CELSR3: variants seen among roughly 807,000 people sequenced by gnomAD.
CELSR3 encodes cadherin EGF LAG seven-pass G-type receptor 3, also known as EGF-like protein 1.
Under a neutral mutation model 270.0 loss-of-function variants are expected in CELSR3, and 73 were observed. The observed-to-expected ratio is 0.27, with a 90% CI of 0.22 to 0.33. The LOEUF (loss-of-function observed/expected upper bound fraction) is 0.33, where lower values mean the gene tolerates loss of function less well. Ranked by LOEUF, CELSR3 falls within the 10% of genes least tolerant of loss-of-function variation. The probability of loss-of-function intolerance (pLI) is 1.00; values close to 1 mark genes in which losing one functional copy is unlikely to be tolerated. For synonymous variants in CELSR3, 1,780 were observed against 1,905.4 expected, an observed-to-expected ratio of 0.93 and a Z score of 1.71; for missense variants, 3,614 against 4,533.8, an observed-to-expected ratio of 0.80 and a Z score of 5.83.
In CELSR3 at chr3:48,640,612, G is replaced by A. The variant is rs2047017206; in HGVS notation, c.9026-53C>T. 3 of 1,480,010 alleles carry A rather than the reference G, an allele frequency of 2.0e-6. No homozygotes were observed. Among genetic ancestry groups the A allele is most frequent in the Non-Finnish European group, 2.7e-6 (3 of 1,107,998 alleles). The allele number at this position is 1,480,010 out of a possible 1,614,324, so 91.7% of individuals were successfully genotyped here. On this transcript the variant is annotated intron_variant, in intron 33 of 34. Coordinates refer to ENST00000164024, the MANE Select transcript of CELSR3 (RefSeq NM_001407.3). This position sits in a 1 kb window ranked among gnomAD's most constrained non-coding sequence, Gnocchi z 7.5. Reference sequence around the variant, plus strand: ...GGTTTGTGTGGGAGGGGGAGGGCAGGCAGGAATTGCTGAGTCTAGGGGTGT... The same window carrying A: ...GGTTTGTGTGGGAGGGGGAGGGCAGACAGGAATTGCTGAGTCTAGGGGTGT...
At position 48,651,342 on chromosome 3, in the gene CELSR3, T is replaced by G. The variant is rs1423338126; in HGVS notation, c.6186+17A>C. Reference sequence around the variant, plus strand: ...TTGCGTCCAAGGAAGGGTTAAAAGGTCAGGGGCCAGGCGCACCTTGCAGTG... The same window carrying G: ...TTGCGTCCAAGGAAGGGTTAAAAGGGCAGGGGCCAGGCGCACCTTGCAGTG... On this transcript the variant is annotated intron_variant, in intron 14 of 34. Transcript: ENST00000164024. This position sits in a 1 kb window ranked among gnomAD's most constrained non-coding sequence, Gnocchi z 7.4. 7 of 1,613,618 alleles carry G rather than the reference T, an allele frequency of 4.3e-6. No individual in the cohort carries two copies. Among genetic ancestry groups the G allele is most frequent in the Non-Finnish European group, 4.2e-6 (5 of 1,179,794 alleles).
Position 48,654,139 on chromosome 3 carries a change from G to A in CELSR3, c.5153-136C>T. On this transcript the variant is annotated intron_variant, in intron 7 of 34. Transcript: ENST00000164024. The surrounding 1 kb of genome is among the most constrained non-coding windows in gnomAD (Gnocchi z 5.4). ...TTTCCCATTTTCTTTCGATGAGTGG[G>A]GTTGGTAAGAGTCAGGCCCTAAAAT... 1 of 1,494,612 alleles carries A rather than the reference G, an allele frequency of 6.7e-7. No individual in the cohort carries two copies. 92.6% of individuals were successfully genotyped at this position (1,494,612 alleles called of 1,614,324 possible).
chr3:48,662,559 AAGAG>A lies in CELSR3; in HGVS notation c.72_75del (p.Ser25CysfsTer21). ...AGCTCCTCCTGGCTGAGGGGGAACA[AAGAG>A]AGGAGAAGGAGCAGGAGTATGGGGG... On this transcript the variant is annotated frameshift_variant, in exon 1 of 35. Transcript: ENST00000164024. LOFTEE classifies it high-confidence loss of function. The surrounding 1 kb of genome is among the most constrained non-coding windows in gnomAD (Gnocchi z 7.1). 6.3e-7 allele frequency: 1 copy of A among 1,577,384 alleles called. No homozygotes were observed. The highest frequency in any genetic ancestry group is 8.6e-7 in the Non-Finnish European group (1 of 1,161,824).
chr3:48,647,981 C>T lies in CELSR3; in HGVS notation c.6989G>A (p.Arg2330His), dbSNP rs556627156. The T allele has an allele frequency of 8.7e-6, 14 of 1,611,978 alleles. No homozygotes were observed. In the South Asian group the frequency reaches 1.1e-4, roughly 13 times the overall value. Reference protein sequence around the residue: ...VTPNIMLSIDRMEHPSSPRGA... With the variant: ...VTPNIMLSIDHMEHPSSPRGA... Reference sequence around the variant, plus strand: ...CCGGGGAGAACTGGGGTGCTCCATGCGGTCAATGCTGAGCACTACCCAGGA... The same window carrying T: ...CCGGGGAGAACTGGGGTGCTCCATGTGGTCAATGCTGAGCACTACCCAGGA... Residue 2330 changes from arginine to histidine, a missense_variant, in exon 20 of 35, where the codon CGC becomes CAC. Arg to His is a conservative substitution (Grantham distance 29). Coordinates refer to ENST00000164024, the MANE Select transcript of CELSR3 (RefSeq NM_001407.3).
In CELSR3 at chr3:48,646,683, A is replaced by G; in HGVS notation, c.7295+80T>C. 1 of 1,397,686 alleles carries G rather than the reference A, an allele frequency of 7.2e-7. No homozygotes were observed. The highest frequency in any genetic ancestry group is 9.8e-7 in the Non-Finnish European group (1 of 1,020,430). The allele number at this position is 1,397,686 out of a possible 1,614,324, so 86.6% of individuals were successfully genotyped here. A position where few individuals can be genotyped will look rare whatever the true frequency, so the allele number is the denominator to read the frequency against. ...CTGTGCTCCTCTCTGTGTGTTGTGAACCTACGCATCTACCCACCAAAAAAG... is the reference window on the plus strand; with the variant it reads ...CTGTGCTCCTCTCTGTGTGTTGTGAGCCTACGCATCTACCCACCAAAAAAG... On this transcript the variant is annotated intron_variant, in intron 21 of 34. Transcript: ENST00000164024. This position sits in a 1 kb window ranked among gnomAD's most constrained non-coding sequence, Gnocchi z 4.8.
rs991575769 is a variant in CELSR3 at position 48,652,398 on chromosome 3, C to A, written c.5751+39G>T. ...GGAGCCCCTGACTTCTGACCCCTGA[C>A]CCTAATGCCCCATATCACATTCCCA... is the stretch of plus-strand genomic sequence containing the variant. On this transcript the variant is annotated intron_variant, in intron 11 of 34. Coordinates refer to ENST00000164024, the MANE Select transcript of CELSR3 (RefSeq NM_001407.3). This position sits in a 1 kb window ranked among gnomAD's most constrained non-coding sequence, Gnocchi z 4.3. 6.7e-7 allele frequency: 1 copy of A among 1,500,582 alleles called. No individual in the cohort carries two copies. Among genetic ancestry groups the A allele is most frequent in the African/African-American group, 1.4e-5 (1 of 72,740 alleles). 93.0% of individuals were successfully genotyped at this position (1,500,582 alleles called of 1,614,324 possible). A position where few individuals can be genotyped will look rare whatever the true frequency, so the allele number is the denominator to read the frequency against.
At position 48,652,657 on chromosome 3, in the gene CELSR3, C is replaced by G; in HGVS notation, c.5635-104G>C. On this transcript the variant is annotated intron_variant, in intron 10 of 34. Coordinates refer to ENST00000164024, the MANE Select transcript of CELSR3 (RefSeq NM_001407.3). The surrounding 1 kb of genome is among the most constrained non-coding windows in gnomAD (Gnocchi z 4.3). ...TTCTTCTAGCCCTTCTAGGCTGCCC[C>G]CTCCCTCCTGGACCCACAGTAGACC... 1.2e-6 allele frequency: 1 copy of G among 866,654 alleles called. No homozygotes were observed. The highest frequency in any genetic ancestry group is 1.8e-6 in the Non-Finnish European group (1 of 570,982). 53.7% of individuals were successfully genotyped at this position (866,654 alleles called of 1,614,324 possible).
At chr3:48,638,654 C>T (rs774017252) in intron 34 of CELSR3, among the ~76,000 whole-genome samples, 18 of 152,204 alleles carry the variant, frequency 1.2e-4, no homozygotes, top group African/African-American at 3.4e-4. Flanking sequence ...CAAACCTGTG[C>T]GACTCCAGAG....
Position 48,645,860 on chromosome 3 carries a change from T to G in CELSR3, c.7472A>C (p.Gln2491Pro), listed in dbSNP as rs1259504668. The change falls in exon 23 of 35, where the codon CAG becomes CCG. Residue 2491 changes from glutamine to proline, a missense_variant. Transcript: ENST00000164024. The surrounding 1 kb of genome is among the most constrained non-coding windows in gnomAD (Gnocchi z 5.4). ...VQWDPPGLAEQHGVWTARDCE... is the reference protein window; with the variant it reads ...VQWDPPGLAEPHGVWTARDCE... ...GTCCCGTGCTGTCCACACACCATGC[T>G]GCTCCGCCCTGCAGCCACAGGGCAG... 3 of 1,597,102 alleles carry G rather than the reference T, an allele frequency of 1.9e-6. No individual in the cohort carries two copies. Among genetic ancestry groups the G allele is most frequent in the East Asian group, 4.5e-5 (2 of 44,436 alleles).
chr3:48,658,431 T>C lies in CELSR3; in HGVS notation c.3748+456A>G, dbSNP rs1423255344. On this transcript the variant is annotated intron_variant, in intron 1 of 34. Coordinates refer to ENST00000164024, the MANE Select transcript of CELSR3 (RefSeq NM_001407.3). The surrounding 1 kb of genome is among the most constrained non-coding windows in gnomAD (Gnocchi z 4.7). ...AGCCACTGTCCACCTGAAGCTTCCATAGTAAGCTGCTGTTCCTGACCACTC... is the reference window on the plus strand; with the variant it reads ...AGCCACTGTCCACCTGAAGCTTCCACAGTAAGCTGCTGTTCCTGACCACTC... 1.3e-5 allele frequency among the ~76,000 whole-genome samples: 2 copies of C among 152,188 alleles called. No homozygotes were observed. The highest frequency in any genetic ancestry group is 4.1e-4 in the South Asian group (2 of 4,832).
chr3:48,636,551 A>C lies in CELSR3; in HGVS notation c.*1654T>G, dbSNP rs1409718457. ...GGAAAGAGGGCCGCTGGGCTGGAGG[A>C]GGGGAACCCCAGAGAGGGGCATCTA... On this transcript the variant is annotated 3_prime_UTR_variant, in exon 35 of 35. Coordinates refer to ENST00000164024, the MANE Select transcript of CELSR3 (RefSeq NM_001407.3). The C allele has an allele frequency of 1.3e-5, 2 of 152,216 alleles. No individual in the cohort carries two copies. Among genetic ancestry groups the C allele is most frequent in the Non-Finnish European group, 1.5e-5 (1 of 68,042 alleles). The allele number at this position is 152,216 out of a possible 1,614,324, so 9.4% of individuals were successfully genotyped here. A position where few individuals can be genotyped will look rare whatever the true frequency, so the allele number is the denominator to read the frequency against.
chr3:48,646,309 C>A lies in CELSR3; in HGVS notation c.7296-52G>T. On this transcript the variant is annotated intron_variant, in intron 21 of 34. Transcript: ENST00000164024. The surrounding 1 kb of genome is among the most constrained non-coding windows in gnomAD (Gnocchi z 4.8). ...GCACTGCTGACCTCCCCATGCTCAGCCTGCTTGCCTCACCCCGTCTTCATG... is the reference window on the plus strand; with the variant it reads ...GCACTGCTGACCTCCCCATGCTCAGACTGCTTGCCTCACCCCGTCTTCATG... 1.3e-6 allele frequency: 2 copies of A among 1,550,440 alleles called. No homozygotes were observed. Among genetic ancestry groups the A allele is most frequent in the East Asian group, 2.3e-5 (1 of 43,512 alleles).
rs186605308 is a variant in CELSR3, at chr3:48,656,126, G to A, written c.4625+14C>T. On this transcript the variant is annotated intron_variant, in intron 3 of 34. Transcript: ENST00000164024. ...GGCGGCGGGGAGGCGCTCAGACACG[G>A]GGCGGGCACCTACGAGAGGGACAGC... is the stretch of plus-strand genomic sequence containing the variant. The A allele has an allele frequency of 1.6e-5, 24 of 1,534,192 alleles. No individual in the cohort carries two copies. The highest frequency in any genetic ancestry group is 1.9e-5 in the Non-Finnish European group (22 of 1,145,892).
chr3:48,640,296 T>C lies in CELSR3; in HGVS notation c.9289A>G (p.Ser3097Gly). The change falls in exon 34 of 35, where the codon AGC (serine) becomes GGC (glycine). Residue 3097 changes from serine (S) to glycine (G), a missense_variant. Ser to Gly is a moderately conservative substitution (Grantham distance 56). Transcript: ENST00000164024. The surrounding 1 kb of genome is among the most constrained non-coding windows in gnomAD (Gnocchi z 7.5). ...ATGCATTCCTGGGACCCTGGCCGGC[T>C]CAGGGGACGTAGAACAGGGGCAGGG... ...EAPAPVLRPL[S>G]RPGSQECMDA... is the part of the protein sequence containing the mutation. The C allele has an allele frequency of 6.2e-7, 1 of 1,612,808 alleles. No homozygotes were observed. The highest frequency in any genetic ancestry group is 8.5e-7 in the Non-Finnish European group (1 of 1,179,958).
In CELSR3 at chr3:48,645,566, T is replaced by C; in HGVS notation, c.7674A>G (p.Ala2558=). ...GGCTGCGCAGGCTCAGCAGGATGGCTGCAGTCAGCACCAGCGCAGCCACAG... is the reference window on the plus strand; with the variant it reads ...GGCTGCGCAGGCTCAGCAGGATGGCCGCAGTCAGCACCAGCGCAGCCACAG... The part of the protein sequence containing the change: ...AVSVAALVLT[A]AILLSLRSLK... The change falls in exon 24 of 35, where the codon GCA becomes GCG. Residue 2558 remains alanine, a synonymous_variant. Transcript: ENST00000164024. The surrounding 1 kb of genome is among the most constrained non-coding windows in gnomAD (Gnocchi z 5.4). 2.5e-6 allele frequency: 4 copies of C among 1,612,630 alleles called. No homozygotes were observed. The highest frequency in any genetic ancestry group is 2.5e-6 in the Non-Finnish European group (3 of 1,179,972).
chr3:48,648,238 G>GGGCCCCC, intron 19 of CELSR3, 28 bp downstream of exon 19: 1 of 1,342,626 alleles, frequency 7.4e-7, no homozygotes, highest in Non-Finnish European at 1.1e-6. Flanking sequence ...CCCCTGCTGT[G>GGGCCCCC]CCCCGCCCTA....
chr3:48,638,121 G>T lies in CELSR3; in HGVS notation c.*84C>A. 1 of 1,267,260 alleles carries T rather than the reference G, an allele frequency of 7.9e-7. No individual in the cohort carries two copies. Among genetic ancestry groups the T allele is most frequent in the Non-Finnish European group, 1.2e-6 (1 of 867,096 alleles). 78.5% of individuals were successfully genotyped at this position (1,267,260 alleles called of 1,614,324 possible). On this transcript the variant is annotated 3_prime_UTR_variant, in exon 35 of 35. Transcript: ENST00000164024. ...ACTGGGGAGCAGGAGGCTGCCTTGGGATCTGCCCCCACTCCTGGAGTCTCT... is the reference window on the plus strand; with the variant it reads ...ACTGGGGAGCAGGAGGCTGCCTTGGTATCTGCCCCCACTCCTGGAGTCTCT...
Position 48,646,283 on chromosome 3 carries a change from C to T in CELSR3, c.7296-26G>A, listed in dbSNP as rs369953276. On this transcript the variant is annotated intron_variant, in intron 21 of 34. Transcript: ENST00000164024. The surrounding 1 kb of genome is among the most constrained non-coding windows in gnomAD (Gnocchi z 4.8). Reference sequence around the variant, plus strand: ...CTGGGGAGACACCCATCTGGGCTTACGCACTGCTGACCTCCCCATGCTCAG... The same window carrying T: ...CTGGGGAGACACCCATCTGGGCTTATGCACTGCTGACCTCCCCATGCTCAG... 22 of 1,596,456 alleles carry T rather than the reference C, an allele frequency of 1.4e-5. No individual in the cohort carries two copies. Among genetic ancestry groups the T allele is most frequent in the Middle Eastern group, 3.6e-4 (2 of 5,580 alleles).
At position 48,642,835 on chromosome 3, in the gene CELSR3, A is replaced by T. The variant is rs1044645050; in HGVS notation, c.8456T>A (p.Ile2819Asn). 6 of 1,613,110 alleles carry T rather than the reference A, an allele frequency of 3.7e-6. No individual in the cohort carries two copies. The highest frequency in any genetic ancestry group is 4.2e-6 in the Non-Finnish European group (5 of 1,179,896). ...GGTGGAGGCGCCCAGAGTGATGCGGATGAGGCCACTCTCCTCAAAGAGAGC... is the reference window on the plus strand; with the variant it reads ...GGTGGAGGCGCCCAGAGTGATGCGGTTGAGGCCACTCTCCTCAAAGAGAGC... Reference protein sequence around the residue: ...NTALFEESGLIRITLGASTVS... With the variant: ...NTALFEESGLNRITLGASTVS... The change falls in exon 30 of 35, where the codon ATC (isoleucine) becomes AAC (asparagine). Residue 2819 changes from isoleucine (I) to asparagine (N), a missense_variant. Around this residue, in one of 7 missense-constraint regions of CELSR3, gnomAD observed 1,240 missense variants for 1,351.7 expected, o/e 0.92. Coordinates refer to ENST00000164024, the MANE Select transcript of CELSR3 (RefSeq NM_001407.3). This position sits in a 1 kb window ranked among gnomAD's most constrained non-coding sequence, Gnocchi z 6.1.
Sources: gnomAD v4.1 joint callset for allele counts (sites outside exome capture counted in the v4.1 genomes callset) on GRCh38, gnomAD v4.1.1 for gene constraint, gnomAD v4.1.1 regional missense constraint, Gnocchi (gnomAD v3.1) non-coding constraint, MANE v1.5 for transcripts, NCBI Gene and HGNC (gene_info 2026-07-23, HGNC 2026-07-21) for gene names.